STXBP5L: variants seen among roughly 807,000 people sequenced by gnomAD.
STXBP5L encodes syntaxin binding protein 5L.
A neutral mutation model predicts 144.5 loss-of-function variants in STXBP5L; 65 were observed. The observed-to-expected ratio is 0.45, with a 90% CI of 0.37 to 0.55. The LOEUF is 0.55. Ranked by LOEUF, STXBP5L falls within the 20% of genes least tolerant of loss-of-function variation. STXBP5L has a pLI of 0.00. For missense variants in STXBP5L, 1,298 were observed against 1,405.5 expected (o/e 0.92, Z 1.22); for synonymous variants, 505 against 469.6 (o/e 1.08, Z -0.97).
At chr3:121,001,488 C>G (rs947657326) in intron 3 of STXBP5L, among the ~76,000 whole-genome samples, 1 of 152,180 alleles carries the variant, frequency 6.6e-6, no homozygotes, top group Non-Finnish European at 1.5e-5. Flanking sequence ...GGATGGGTAT[C>G]CCTGGCTGTG....
intron 19 of STXBP5L, among the ~76,000 whole-genome samples, chr3:121,316,358 G>A (rs2043788803): frequency 6.6e-6 from 1 of 152,164 alleles, no homozygotes. Context: ...AAATAGAAAA[G>A]ATGGTATTTT....
At chr3:121,198,437 T>C (rs1426510007) in intron 9 of STXBP5L, among the ~76,000 whole-genome samples, 7 of 152,212 alleles carry the variant, frequency 4.6e-5, no homozygotes, top group Non-Finnish European at 8.8e-5. Flanking sequence ...GTTGGTTGCC[T>C]GTTCACTCTG....
chr3:121,111,877 G>C (rs959233098), intron 5 of STXBP5L, among the ~76,000 whole-genome samples: 5 of 152,158 alleles, frequency 3.3e-5, no homozygotes, highest in African/African-American at 4.8e-5. Context: ...CTCCTGCAAG[G>C]GGCTCTATCC....
chr3:121,335,832 G>A (rs1230750922), intron 20 of STXBP5L, among the ~76,000 whole-genome samples: 2 of 152,150 alleles, frequency 1.3e-5, no homozygotes, highest in Non-Finnish European at 2.9e-5. Flanking sequence ...GTCAAGCTGG[G>A]CAGTATCATT....
At chr3:121,126,651 CT>C (rs1211666060) in intron 7 of STXBP5L, among the ~76,000 whole-genome samples, 2 of 152,096 alleles carry the variant, frequency 1.3e-5, no homozygotes, top group Non-Finnish European at 2.9e-5. Context: ...AAATAACTTC[CT>C]TTGAGGGCAC....
In STXBP5L at chr3:121,419,740, A is replaced by T. The variant is rs2047318572; in HGVS notation, c.*643A>T. The T allele has an allele frequency of 6.6e-6, 1 of 152,218 alleles. No homozygotes were observed. Among genetic ancestry groups the T allele is most frequent in the South Asian group, 2.1e-4 (1 of 4,838 alleles). The allele number at this position is 152,218 out of a possible 1,614,324, so 9.4% of individuals were successfully genotyped here. On this transcript the variant is annotated 3_prime_UTR_variant, in exon 27 of 27. Transcript: ENST00000471454. ...GATTAATGTTCTCTCTCCATGTTTT[A>T]CATCATTCACAGTTGTGTCAAAATC...
intron 20 of STXBP5L, among the ~76,000 whole-genome samples, chr3:121,337,148 C>T (rs563156472): frequency 5.3e-5 from 8 of 152,080 alleles, no homozygotes; most frequent in African/African-American, 1.9e-4. Context: ...TATTTAGTAC[C>T]AGGCTTAGTA....
At chr3:121,016,803 C>T (rs1576670911) in intron 3 of STXBP5L, among the ~76,000 whole-genome samples, 1 of 152,192 alleles carries the variant, frequency 6.6e-6, no homozygotes, top group East Asian at 1.9e-4. Flanking sequence ...AGTAATCTTC[C>T]AAAACAGAAA....
intron 5 of STXBP5L, among the ~76,000 whole-genome samples, chr3:121,105,415 T>TAAATAAATAAATAAAG (rs2043650467): frequency 6.6e-6 from 1 of 151,074 alleles, no homozygotes; most frequent in Admixed American, 6.6e-5. Flanking sequence ...AATAAATAAA[T>TAAATAAATAAATAAAG]AAATAAAAAG....
At chr3:121,209,870 G>T (rs1238811734) in intron 10 of STXBP5L, among the ~76,000 whole-genome samples, 1 of 152,164 alleles carries the variant, frequency 6.6e-6, no homozygotes, top group East Asian at 1.9e-4. Flanking sequence ...CTTTGCTATT[G>T]TGAATAGTGC....
intron 19 of STXBP5L, among the ~76,000 whole-genome samples, chr3:121,312,446 CTTTTTTTTTTTTT>C (rs58989280): frequency 7.8e-4 from 10 of 12,742 alleles, no homozygotes; most frequent in Admixed American, 4.0e-3. Flanking sequence ...GTATGTCAAT[CTTTTTTTTTTTTT>C]TTTTTTTTTT....
chr3:121,066,229 C>T (rs1244446049), intron 5 of STXBP5L, among the ~76,000 whole-genome samples: 1 of 152,034 alleles, frequency 6.6e-6, no homozygotes, highest in Non-Finnish European at 1.5e-5. Flanking sequence ...CAGTGGTTTT[C>T]TTGTCTCATT....
At chr3:121,336,514 C>A (rs1251894481) in intron 20 of STXBP5L, among the ~76,000 whole-genome samples, 2 of 151,750 alleles carry the variant, frequency 1.3e-5, no homozygotes, top group South Asian at 2.1e-4. Context: ...AGCCAACCAA[C>A]CAACCAAACA....
intron 8 of STXBP5L, among the ~76,000 whole-genome samples, chr3:121,156,686 C>A (rs1175823215): frequency 1.3e-5 from 2 of 151,568 alleles, no homozygotes; most frequent in Non-Finnish European, 3.0e-5. Flanking sequence ...TCCTTGGATT[C>A]AACTAACTAT....
At chr3:121,164,433 T>C (rs1482578420) in intron 9 of STXBP5L, among the ~76,000 whole-genome samples, 1 of 152,136 alleles carries the variant, frequency 6.6e-6, no homozygotes, top group African/African-American at 2.4e-5. Context: ...AAACTATTGG[T>C]GAGAATGTAG....
At chr3:121,046,235 C>T (rs937287146) in intron 5 of STXBP5L, among the ~76,000 whole-genome samples, 1 of 152,090 alleles carries the variant, frequency 6.6e-6, no homozygotes, top group Non-Finnish European at 1.5e-5. Flanking sequence ...GGTTGATTAG[C>T]TTTTTCACGT....
chr3:121,256,828 T>A (rs932140794), intron 16 of STXBP5L, among the ~76,000 whole-genome samples: 28 of 151,578 alleles, frequency 1.8e-4, no homozygotes, highest in African/African-American at 6.5e-4. Context: ...TTGTAATATA[T>A]AAATTGTAAT....
intron 14 of STXBP5L, among the ~76,000 whole-genome samples, chr3:121,241,407 A>G (rs1044690467): frequency 5.5e-5 from 8 of 145,898 alleles, no homozygotes; most frequent in Admixed American, 3.4e-4. Flanking sequence ...ACACACACAC[A>G]CACGCACACA....
At chr3:121,044,450 G>C (rs1191679420) in intron 4 of STXBP5L, among the ~76,000 whole-genome samples, 1 of 152,074 alleles carries the variant, frequency 6.6e-6, no homozygotes, top group Non-Finnish European at 1.5e-5. Flanking sequence ...ATCTAAATGG[G>C]ATATCTGTGA....
Sources: gnomAD v4.1 joint callset for allele counts (sites outside exome capture counted in the v4.1 genomes callset) on GRCh38, gnomAD v4.1.1 for gene constraint, MANE v1.5 for transcripts, NCBI Gene and HGNC (gene_info 2026-07-23, HGNC 2026-07-21) for gene names.